The following FOXN3 variants were observed in gnomAD, a reference collection of about 807,000 sequenced individuals.
FOXN3 encodes forkhead box N3.
In FOXN3, 7 loss-of-function variants were observed where a neutral mutation model predicts 38.4. The observed-to-expected ratio is 0.18, with a 90% CI of 0.10 to 0.34. The LOEUF is 0.34. FOXN3 is among the 10% of genes least tolerant of loss of function. The probability of loss-of-function intolerance (pLI) is 1.00; values close to 1 mark genes in which losing one functional copy is unlikely to be tolerated. For missense variants in FOXN3, 456 were observed against 613.4 expected (o/e 0.74, Z 2.71); for synonymous variants, 230 against 242.2 (o/e 0.95, Z 0.47).
At chr14:89,597,877 TTTTAA>T (rs1461412492) in intron 1 of FOXN3, among the ~76,000 whole-genome samples, 4 of 152,304 alleles carry the variant, frequency 2.6e-5, no homozygotes, top group Admixed American at 6.5e-5. Context: ...ATCTTTTGAC[TTTTAA>T]TTTGACTATT....
intron 1 of FOXN3, among the ~76,000 whole-genome samples, chr14:89,413,591 C>T (rs1016680384): frequency 1.3e-5 from 2 of 151,524 alleles, no homozygotes; most frequent in Non-Finnish European, 2.9e-5. Context: ...CATGACTGTA[C>T]CACTGCACTC....
chr14:89,293,466 G>C (rs1247866963), intron 3 of FOXN3, among the ~76,000 whole-genome samples: 1 of 152,190 alleles, frequency 6.6e-6, no homozygotes, highest in Non-Finnish European at 1.5e-5. Context: ...TCTGTTCCTG[G>C]CCTCCCTCGC....
intron 3 of FOXN3, among the ~76,000 whole-genome samples, chr14:89,345,415 C>T (rs1299746765): frequency 2.0e-5 from 3 of 151,898 alleles, no homozygotes. Context: ...CCTGCATACC[C>T]CTCACTTAGT....
chr14:89,498,196 C>T (rs915681795), intron 1 of FOXN3, among the ~76,000 whole-genome samples: 1 of 134,836 alleles, frequency 7.4e-6, no homozygotes, highest in Non-Finnish European at 1.5e-5. Flanking sequence ...CTGGCTGCTT[C>T]TCTCTCTCTC....
rs564405273 is a variant in FOXN3, at chr14:89,235,838, G to A, written c.745+45112C>T. 2.4e-4 allele frequency among the ~76,000 whole-genome samples: 36 copies of A among 152,258 alleles called. No homozygotes were observed. The East Asian group carries it at 6.0e-3, about 25-fold the overall frequency. On this transcript the variant is annotated intron_variant, in intron 4 of 5. Transcript: ENST00000557258. ...TAGAAGCTGCAATAGGAAAGAAAGC[G>A]GCTTCTCTCCTATTTTAGCCCCCCA...
chr14:89,197,503 C>CAA (rs5810450), intron 4 of FOXN3, among the ~76,000 whole-genome samples: 240 of 144,166 alleles, frequency 1.7e-3, no homozygotes, highest in Non-Finnish European at 2.2e-3. Context: ...AAGACTGTGT[C>CAA]AAAAAAAAAA....
chr14:89,415,164 G>A (rs916520874), intron 1 of FOXN3, among the ~76,000 whole-genome samples: 3 of 152,124 alleles, frequency 2.0e-5, no homozygotes, highest in Non-Finnish European at 2.9e-5. Flanking sequence ...GTATAAAACA[G>A]AACTACCCAG....
At chr14:89,401,429 C>G (rs1408715983) in intron 2 of FOXN3, 1 of 358,766 alleles carries the variant, frequency 2.8e-6, no homozygotes, top group East Asian at 8.3e-5. Context: ...GGTGACTCAA[C>G]AGCAACAACA....
intron 1 of FOXN3, among the ~76,000 whole-genome samples, chr14:89,587,815 G>A (rs539964110): frequency 8.5e-4 from 118 of 138,242 alleles, no homozygotes; most frequent in African/African-American, 3.1e-3. Context: ...GCAGTGAGCT[G>A]AGACCACACC....
intron 1 of FOXN3, among the ~76,000 whole-genome samples, chr14:89,602,535 C>T (rs373290913): frequency 2.0e-5 from 3 of 151,512 alleles, no homozygotes; most frequent in East Asian, 2.0e-4. Flanking sequence ...CTCGCTCTGT[C>T]GCCCAGGCTG....
chr14:89,410,268 T>C (rs1239260165), intron 2 of FOXN3, among the ~76,000 whole-genome samples: 2 of 152,056 alleles, frequency 1.3e-5, no homozygotes, highest in African/African-American at 2.4e-5. Context: ...AATGGTGACA[T>C]GTTGCCAGAG....
chr14:89,617,238 C>CT (rs1436652962), intron 1 of FOXN3, among the ~76,000 whole-genome samples: 1 of 152,152 alleles, frequency 6.6e-6, no homozygotes, highest in Non-Finnish European at 1.5e-5. Context: ...AATGAAATCG[C>CT]TTTAAAGGCT....
chr14:89,261,472 T>C (rs1461519197), intron 4 of FOXN3, among the ~76,000 whole-genome samples: 1 of 152,192 alleles, frequency 6.6e-6, no homozygotes, highest in Non-Finnish European at 1.5e-5. Context: ...GTTTCTTTTC[T>C]ACCTTTCCAT....
At chr14:89,257,431 C>A (rs1001766627) in intron 4 of FOXN3, among the ~76,000 whole-genome samples, 5 of 152,138 alleles carry the variant, frequency 3.3e-5, no homozygotes, top group African/African-American at 1.2e-4. Context: ...AGAAAGTAGT[C>A]GAATTACCCT....
chr14:89,204,724 A>G (rs1394287222), intron 4 of FOXN3, among the ~76,000 whole-genome samples: 1 of 152,196 alleles, frequency 6.6e-6, no homozygotes, highest in East Asian at 1.9e-4. Context: ...AGGCTATGAT[A>G]ATATAACTGC....
At chr14:89,615,839 C>T (rs1896483995) in intron 1 of FOXN3, among the ~76,000 whole-genome samples, 2 of 152,146 alleles carry the variant, frequency 1.3e-5, no homozygotes, top group Non-Finnish European at 2.9e-5. Flanking sequence ...GACATACATG[C>T]AGAATATTAA....
upstream of FOXN3, chr14:89,417,465 G>A (rs1566648916): frequency 6.7e-6 from 1 of 149,712 alleles, no homozygotes; most frequent in Non-Finnish European, 1.5e-5. Context: ...GGGCCCCGCG[G>A]GGCGGGGGTG....
intron 2 of FOXN3, among the ~76,000 whole-genome samples, chr14:89,365,257 C>CA (rs904384798): frequency 2.6e-4 from 40 of 151,788 alleles, no homozygotes; most frequent in Non-Finnish European, 5.2e-4. Context: ...CCGAGGCTGA[C>CA]AGATCTACTC....
intron 1 of FOXN3, among the ~76,000 whole-genome samples, chr14:89,433,712 T>C (rs1156628578): frequency 6.7e-6 from 1 of 150,048 alleles, no homozygotes; most frequent in Admixed American, 6.7e-5. Flanking sequence ...GCTGAGGCAG[T>C]AGAATCGCTT....
Sources: gnomAD v4.1 joint callset for allele counts (sites outside exome capture counted in the v4.1 genomes callset) on GRCh38, gnomAD v4.1.1 for gene constraint, MANE v1.5 for transcripts, NCBI Gene and HGNC (gene_info 2026-07-23, HGNC 2026-07-21) for gene names.